Variants in PDE4D observed in about 807,000 individuals in gnomAD.
The protein encoded by PDE4D is phosphodiesterase 4D.
Under a neutral mutation model 87.4 loss-of-function variants are expected in PDE4D, and 24 were observed. That is an observed-to-expected ratio of 0.27 (90% CI 0.20 to 0.39). The LOEUF (loss-of-function observed/expected upper bound fraction) is 0.39. PDE4D is among the 10% of genes least tolerant of loss of function. The pLI, the probability that PDE4D is intolerant of heterozygous loss-of-function variation, is 1.00. For missense variants in PDE4D, 714 were observed against 1,041.0 expected (o/e 0.69, Z 4.32); for synonymous variants, 384 against 383.2 (o/e 1.00, Z -0.02).
intron 1 of PDE4D, among the ~76,000 whole-genome samples, chr5:60,366,360 G>A (rs1323663438): frequency 2.0e-5 from 3 of 152,122 alleles, no homozygotes; most frequent in Non-Finnish European, 1.5e-5. Context: ...AAGAGAAGAA[G>A]AAAGTCAGAT....
At chr5:59,649,237 T>C (rs1471620031) in intron 1 of PDE4D, among the ~76,000 whole-genome samples, 1 of 152,186 alleles carries the variant, frequency 6.6e-6, no homozygotes, top group East Asian at 1.9e-4. Context: ...TGGTGAATTT[T>C]GAACCACAGC....
At chr5:59,643,774 G>C (rs948400029) in intron 1 of PDE4D, among the ~76,000 whole-genome samples, 5 of 152,154 alleles carry the variant, frequency 3.3e-5, no homozygotes, top group Admixed American at 1.3e-4. Flanking sequence ...TCCAAATGTA[G>C]TAAATTACTT....
At chr5:59,392,250 A>C (rs1788379056) in intron 1 of PDE4D, among the ~76,000 whole-genome samples, 1 of 151,784 alleles carries the variant, frequency 6.6e-6, no homozygotes, top group Admixed American at 6.6e-5. Flanking sequence ...GGCACAATCT[A>C]ATTAGCTGCC....
intron 2 of PDE4D, among the ~76,000 whole-genome samples, chr5:60,002,547 A>G (rs899842666): frequency 2.6e-5 from 4 of 152,138 alleles, no homozygotes; most frequent in Non-Finnish European, 5.9e-5. Context: ...GAATTTGACA[A>G]TACATTAAAA....
At chr5:59,682,055 A>G (rs1172892274) in intron 1 of PDE4D, among the ~76,000 whole-genome samples, 1 of 152,148 alleles carries the variant, frequency 6.6e-6, no homozygotes, top group African/African-American at 2.4e-5. Flanking sequence ...CATGAGCCAA[A>G]TAAATTCTAT....
chr5:60,459,631 T>C (rs892488963), intron 1 of PDE4D, among the ~76,000 whole-genome samples: 13 of 152,116 alleles, frequency 8.5e-5, no homozygotes, highest in African/African-American at 2.7e-4. Flanking sequence ...ATACAGTTTT[T>C]GTTCAGACAG....
At chr5:59,695,986 T>C (rs1751724792) in intron 1 of PDE4D, among the ~76,000 whole-genome samples, 1 of 152,212 alleles carries the variant, frequency 6.6e-6, no homozygotes, top group African/African-American at 2.4e-5. Context: ...GGAAATATTA[T>C]GTTTTGAATC....
At chr5:60,157,001 T>C (rs937157096) in intron 2 of PDE4D, among the ~76,000 whole-genome samples, 15 of 152,256 alleles carry the variant, frequency 9.9e-5, no homozygotes, top group African/African-American at 2.9e-4. Context: ...ATTTTTTAAT[T>C]ATGGATTGCT....
intron 5 of PDE4D, among the ~76,000 whole-genome samples, chr5:59,094,029 C>A (rs1433943031): frequency 6.6e-6 from 1 of 151,710 alleles, no homozygotes; most frequent in Non-Finnish European, 1.5e-5. Context: ...ATCACCCTGG[C>A]CAACATGGTG....
chr5:59,720,335 G>C (rs909637818), intron 1 of PDE4D, among the ~76,000 whole-genome samples: 9 of 152,022 alleles, frequency 5.9e-5, no homozygotes, highest in African/African-American at 2.2e-4. Context: ...GTAGAGAGAG[G>C]GTCTTGCTAT....
chr5:59,485,122 G>A (rs1264004806), intron 1 of PDE4D, among the ~76,000 whole-genome samples: 1 of 152,156 alleles, frequency 6.6e-6, no homozygotes, highest in Non-Finnish European at 1.5e-5. Context: ...GCAATATCTG[G>A]TGGGTTTTTA....
chr5:59,668,748 G>GAAGAAGA (rs1400408494), intron 1 of PDE4D, among the ~76,000 whole-genome samples: 3 of 133,256 alleles, frequency 2.3e-5, no homozygotes, highest in Non-Finnish European at 5.0e-5. Context: ...AGAAGAAGAA[G>GAAGAAGA]AAGAAGAAAG....
Position 59,337,328 on chromosome 5 carries a change from C to CA in PDE4D, c.456-121361_456-121360insT, listed in dbSNP as rs568466581. The stretch of plus-strand genomic sequence containing the variant: ...AGTGAAAGGCATTCATAAGTTCCCC[C>CA]CCCCCCACCTTTTTTTTTTTTTTGA... On this transcript the variant is annotated intron_variant, in intron 1 of 14. Transcript: ENST00000340635. Among the ~76,000 whole-genome samples the CA allele has an allele frequency of 2.0e-3, 285 of 145,488 alleles. 4 individuals are homozygous for CA. The highest frequency in any genetic ancestry group is 6.9e-3 in the African/African-American group (268 of 38,852).
chr5:59,679,225 C>T (rs1455071346), intron 1 of PDE4D, among the ~76,000 whole-genome samples: 1 of 152,130 alleles, frequency 6.6e-6, no homozygotes, highest in Non-Finnish European at 1.5e-5. Flanking sequence ...TCCAATATTG[C>T]TAAACCTAGG....
intron 1 of PDE4D, among the ~76,000 whole-genome samples, chr5:60,411,803 A>G (rs373203599): frequency 1.3e-5 from 2 of 152,134 alleles, no homozygotes; most frequent in African/African-American, 2.4e-5. Flanking sequence ...CTATGATCCA[A>G]TGGTGTTCCC....
At chr5:59,913,646 T>A (rs1753684262) in intron 3 of PDE4D, among the ~76,000 whole-genome samples, 1 of 152,180 alleles carries the variant, frequency 6.6e-6, no homozygotes, top group African/African-American at 2.4e-5. Context: ...TTTGTATTTG[T>A]CTACCTCAGG....
chr5:60,233,281 C>T (rs944842263), intron 1 of PDE4D, among the ~76,000 whole-genome samples: 4 of 151,588 alleles, frequency 2.6e-5, no homozygotes, highest in African/African-American at 9.7e-5. Context: ...ATTAACATCT[C>T]CTATATGATA....
chr5:59,347,783 A>G (rs1219721887), intron 1 of PDE4D, among the ~76,000 whole-genome samples: 1 of 152,140 alleles, frequency 6.6e-6, no homozygotes, highest in Admixed American at 6.6e-5. Flanking sequence ...AATTCACTCA[A>G]GAGACTGGAG....
intron 1 of PDE4D, among the ~76,000 whole-genome samples, chr5:59,651,164 G>C (rs1366353352): frequency 6.6e-6 from 1 of 151,326 alleles, no homozygotes; most frequent in Non-Finnish European, 1.5e-5. Context: ...GCTGAGGCAG[G>C]AGAATGGCGT....
Sources: gnomAD v4.1 joint callset for allele counts (sites outside exome capture counted in the v4.1 genomes callset) on GRCh38, gnomAD v4.1.1 for gene constraint, MANE v1.5 for transcripts, NCBI Gene and HGNC (gene_info 2026-07-23, HGNC 2026-07-21) for gene names.